The following PRKCH variants were observed in gnomAD, a reference collection of about 807,000 sequenced individuals.
PRKCH encodes protein kinase C eta type.
Under a neutral mutation model 82.5 loss-of-function variants are expected in PRKCH, and 28 were observed. The observed-to-expected ratio is 0.34, with a 90% CI of 0.25 to 0.47. The LOEUF is 0.47. Ranked by LOEUF, PRKCH falls within the 20% of genes least tolerant of loss-of-function variation. The pLI, the probability that PRKCH is intolerant of heterozygous loss-of-function variation, is 1.00. For synonymous variants in PRKCH, 322 were observed against 327.4 expected (o/e 0.98, Z 0.18); for missense variants, 705 against 881.8 (o/e 0.80, Z 2.54).
intron 1 of PRKCH, among the ~76,000 whole-genome samples, chr14:61,194,589 A>T (rs547178126): frequency 1.7e-3 from 265 of 152,338 alleles, no homozygotes; most frequent in Non-Finnish European, 3.2e-3. Context: ...TTTATTGTTT[A>T]TAAGCCACCC....
At chr14:61,193,095 G>C (rs930126232) in intron 1 of PRKCH, among the ~76,000 whole-genome samples, 7 of 152,216 alleles carry the variant, frequency 4.6e-5, no homozygotes, top group Non-Finnish European at 1.0e-4. Flanking sequence ...GGGAAAGATG[G>C]TGTCAGATGG....
intron 9 of PRKCH, among the ~76,000 whole-genome samples, chr14:61,475,653 T>C (rs940521827): frequency 5.9e-5 from 9 of 152,232 alleles, no homozygotes; most frequent in African/African-American, 1.9e-4. Flanking sequence ...GGGAATAGCA[T>C]GCAACTGTTA....
At chr14:61,466,193 C>T (rs1203092566) in intron 9 of PRKCH, among the ~76,000 whole-genome samples, 1 of 152,052 alleles carries the variant, frequency 6.6e-6, no homozygotes, top group Non-Finnish European at 1.5e-5. Flanking sequence ...GGATTTTTTT[C>T]CTATTTACCA....
chr14:61,364,207 GCTAACCCA>G (rs2046269532), intron 1 of PRKCH, among the ~76,000 whole-genome samples: 1 of 151,676 alleles, frequency 6.6e-6, no homozygotes, highest in Admixed American at 6.6e-5. Flanking sequence ...AGCTGAGATA[GCTAACCCA>G]AGTCACCCTT....
chr14:61,352,323 C>T (rs2046087457), intron 1 of PRKCH, among the ~76,000 whole-genome samples: 1 of 152,150 alleles, frequency 6.6e-6, no homozygotes, highest in African/African-American at 2.4e-5. Context: ...GTCCCACCCA[C>T]ATCCACATGG....
chr14:61,339,966 T>G (rs1159310069), intron 1 of PRKCH, among the ~76,000 whole-genome samples: 3 of 151,858 alleles, frequency 2.0e-5, no homozygotes, highest in Non-Finnish European at 2.9e-5. Context: ...ATTATAGGAG[T>G]GAGCCACTGT....
chr14:61,194,820 G>A (rs147131599), intron 1 of PRKCH, among the ~76,000 whole-genome samples: 8,383 of 152,148 alleles, frequency 0.055, 784 homozygotes, highest in African/African-American at 0.19. Context: ...TGCAACCTCC[G>A]CCTCCCAGGT....
Position 61,450,868 on chromosome 14 carries a change from C to T in PRKCH, c.729C>T (p.Asn243=), listed in dbSNP as rs1884477457. The T allele has an allele frequency of 3.1e-6, 5 of 1,613,902 alleles. No individual in the cohort carries two copies. Among genetic ancestry groups the T allele is most frequent in the South Asian group, 2.2e-5 (2 of 90,994 alleles). The change falls in exon 6 of 14, where the codon AAC becomes AAT. Residue 243 remains asparagine, a synonymous_variant. Coordinates refer to ENST00000332981, the MANE Select transcript of PRKCH (RefSeq NM_006255.5). ...SKIAEQRFGI[N]IPHKFSIHNY... is the part of the protein sequence containing the mutation. ...TTGCAGAACAGAGGTTCGGGATCAACATCCCACACAAGTTCAGCATCCACA... is the reference window on the plus strand; with the variant it reads ...TTGCAGAACAGAGGTTCGGGATCAATATCCCACACAAGTTCAGCATCCACA...
intron 1 of PRKCH, among the ~76,000 whole-genome samples, chr14:61,349,002 C>T (rs754126960): frequency 5.9e-5 from 9 of 152,160 alleles, no homozygotes; most frequent in African/African-American, 2.2e-4. Flanking sequence ...AGAAGGGATT[C>T]GAGTTAAATG....
intron 1 of PRKCH, among the ~76,000 whole-genome samples, chr14:61,334,655 G>C (rs1196978614): frequency 6.6e-6 from 1 of 152,112 alleles, no homozygotes; most frequent in Non-Finnish European, 1.5e-5. Flanking sequence ...CAGAAAGCTC[G>C]GGGCATTGTC....
At position 61,350,118 on chromosome 14, in the gene PRKCH, A is replaced by G. The variant is rs1594936239; in HGVS notation, c.363+27654A>G. Among the ~76,000 whole-genome samples the G allele has an allele frequency of 4.6e-5, 7 of 152,318 alleles. No individual in the cohort carries two copies. In the South Asian group the frequency reaches 1.5e-3, roughly 32 times the overall value. ...AGCTGGGAAAATAACCATCATTTAT[A>G]TAGTGCTTTATATGCTGTCTCTTGC... On this transcript the variant is annotated intron_variant, in intron 1 of 13. Transcript: ENST00000332981.
chr14:61,502,964 A>G (rs1238131170), intron 10 of PRKCH, among the ~76,000 whole-genome samples: 1 of 150,876 alleles, frequency 6.6e-6, no homozygotes, highest in Non-Finnish European at 1.5e-5. Context: ...TGGTTCTTGA[A>G]GGAAAGGAAT....
chr14:61,252,270 C>T (rs572979404), intron 1 of PRKCH, among the ~76,000 whole-genome samples: 7 of 152,216 alleles, frequency 4.6e-5, no homozygotes, highest in South Asian at 2.1e-4. Context: ...CATGATTCCT[C>T]GTTGGTCTGT....
chr14:61,529,911 A>ATAT (rs1555396325), intron 11 of PRKCH, among the ~76,000 whole-genome samples: 3 of 109,764 alleles, frequency 2.7e-5, no homozygotes, highest in Admixed American at 8.3e-5. Context: ...ATAATAAAAA[A>ATAT]AAATATATAT....
chr14:61,291,323 C>CTTTTTT (rs533117559), intron 1 of PRKCH, among the ~76,000 whole-genome samples: 15 of 96,684 alleles, frequency 1.6e-4, no homozygotes, highest in African/African-American at 1.8e-4. Context: ...CCCTCTGGTT[C>CTTTTTT]TTTTTTTTTT....
intron 9 of PRKCH, among the ~76,000 whole-genome samples, chr14:61,480,086 C>T (rs377047024): frequency 6.6e-6 from 1 of 152,220 alleles, no homozygotes; most frequent in African/African-American, 2.4e-5. Flanking sequence ...CTTCACCTGA[C>T]AGAAGCCAAA....
At chr14:61,212,247 A>T (rs1263995768) in intron 1 of PRKCH, among the ~76,000 whole-genome samples, 1 of 152,244 alleles carries the variant, frequency 6.6e-6, no homozygotes, top group Non-Finnish European at 1.5e-5. Flanking sequence ...AAGCAAGGGC[A>T]TAACTGTTCT....
At chr14:61,418,838 C>T (rs577677769) in intron 2 of PRKCH, among the ~76,000 whole-genome samples, 1 of 152,316 alleles carries the variant, frequency 6.6e-6, no homozygotes, top group Admixed American at 6.5e-5. Flanking sequence ...ATTGTGGTTT[C>T]AAATGAAGAG....
At chr14:61,435,375 G>A (rs17098362) in intron 2 of PRKCH, among the ~76,000 whole-genome samples, 108,403 of 152,074 alleles carry the variant, frequency 0.71, 39,384 homozygotes, top group Non-Finnish European at 0.8. Flanking sequence ...ATCTGAAGAC[G>A]TCTCTAAGGT....
Sources: gnomAD v4.1 joint callset for allele counts (sites outside exome capture counted in the v4.1 genomes callset) on GRCh38, gnomAD v4.1.1 for gene constraint, MANE v1.5 for transcripts, NCBI Gene and HGNC (gene_info 2026-07-23, HGNC 2026-07-21) for gene names.